APCDD1: variants seen among roughly 807,000 people sequenced by gnomAD.
APCDD1 encodes the protein protein APCDD1.
A neutral mutation model predicts 38.1 loss-of-function variants in APCDD1; 15 were observed. The observed-to-expected ratio is 0.39, with a 90% CI of 0.26 to 0.61. APCDD1 has a LOEUF of 0.61. Ranked by LOEUF, APCDD1 falls within the 20% of genes least tolerant of loss-of-function variation. APCDD1 has a pLI of 0.49. For synonymous variants in APCDD1, 261 were observed against 279.7 expected (o/e 0.93, Z 0.67); for missense variants, 647 against 696.2 (o/e 0.93, Z 0.79).
intron 1 of APCDD1, 50 bp from the exon 2 acceptor site, chr18:10,468,419 T>C: frequency 6.2e-7 from 1 of 1,602,042 alleles, no homozygotes; most frequent in Middle Eastern, 1.7e-4. Flanking sequence ...GCCTGATTCA[T>C]GTCTGCTGCT....
chr18:10,469,293 G>C lies in APCDD1; in HGVS notation c.242+641G>C, dbSNP rs577601940. The stretch of plus-strand genomic sequence containing the variant: ...ATCTGATCACTTCTCCCTGTGCGCT[G>C]TTCCCGGGATATGGATAGCAGCCTT... On this transcript the variant is annotated intron_variant, in intron 2 of 4. Transcript: ENST00000355285. This position sits in a 1 kb window ranked among gnomAD's most constrained non-coding sequence, Gnocchi z 5.5. 3.3e-5 allele frequency among the ~76,000 whole-genome samples: 5 copies of C among 152,170 alleles called. No individual in the cohort carries two copies. The highest frequency in any genetic ancestry group is 1.2e-4 in the African/African-American group (5 of 41,514).
chr18:10,477,278 CTG>C (rs1326602222), intron 3 of APCDD1: 4 of 152,246 alleles, frequency 2.6e-5, no homozygotes, highest in African/African-American at 9.7e-5. Context: ...TAGAAGAAAA[CTG>C]TGACTGCTCC....
chr18:10,462,611 T>C (rs866337809), intron 1 of APCDD1, among the ~76,000 whole-genome samples: 30 of 87,668 alleles, frequency 3.4e-4, no homozygotes, highest in African/African-American at 1.4e-3. Context: ...CCTTCCTTCC[T>C]TCCTTCCTTC....
chr18:10,469,064 G>C lies in APCDD1; in HGVS notation c.242+412G>C, dbSNP rs989134012. ...TCTGGTAATTTAATATATGGCTTCA[G>C]GGTTCTAAGAGTAAGTTAAAAGCTA... On this transcript the variant is annotated intron_variant, in intron 2 of 4. Coordinates refer to ENST00000355285, the MANE Select transcript of APCDD1 (RefSeq NM_153000.5). The surrounding 1 kb of genome is among the most constrained non-coding windows in gnomAD (Gnocchi z 5.5). 6.6e-6 allele frequency among the ~76,000 whole-genome samples: 1 copy of C among 152,222 alleles called. No individual in the cohort carries two copies. The highest frequency in any genetic ancestry group is 2.4e-5 in the African/African-American group (1 of 41,458).
Position 10,468,602 on chromosome 18 carries a change from G to T in APCDD1, c.192G>T (p.Arg64Ser). 5 of 1,614,040 alleles carry T rather than the reference G, an allele frequency of 3.1e-6. No homozygotes were observed. The highest frequency in any genetic ancestry group is 4.2e-6 in the Non-Finnish European group (5 of 1,180,044). Residue 64 changes from arginine (R) to serine (S), a missense_variant, in exon 2 of 5, where the codon AGG becomes AGT. Arg to Ser is a moderately radical substitution (Grantham distance 110). Transcript: ENST00000355285. ...TCAAACATCTCCACAATGGTGCAAGGATCACAGTGCAGATGCCACCTACAA... is the reference window on the plus strand; with the variant it reads ...TCAAACATCTCCACAATGGTGCAAGTATCACAGTGCAGATGCCACCTACAA... ...HMLKHLHNGA[R>S]ITVQMPPTIE...
intron 1 of APCDD1, among the ~76,000 whole-genome samples, chr18:10,458,205 G>C (rs35326929): frequency 0.059 from 8,936 of 152,274 alleles, 359 homozygotes; most frequent in Non-Finnish European, 0.086. Flanking sequence ...GAGTTTTGGA[G>C]CTGATGTTGG....
rs571401139 is a variant in APCDD1 at position 10,472,174 on chromosome 18, C to A, written c.774+113C>A. On this transcript the variant is annotated intron_variant, in intron 3 of 4. Coordinates refer to ENST00000355285, the MANE Select transcript of APCDD1 (RefSeq NM_153000.5). This position sits in a 1 kb window ranked among gnomAD's most constrained non-coding sequence, Gnocchi z 6.6. The stretch of plus-strand genomic sequence containing the variant: ...TGAAAGGGGGAATTCTGCATCATGG[C>A]GGGGCAGGCCAAGGTGGGGCTGCTG... 1.4e-6 allele frequency: 2 copies of A among 1,461,866 alleles called. No homozygotes were observed. Among genetic ancestry groups the A allele is most frequent in the Non-Finnish European group, 1.9e-6 (2 of 1,058,038 alleles). The allele number at this position is 1,461,866 out of a possible 1,614,324, so 90.6% of individuals were successfully genotyped here. A position where few individuals can be genotyped will look rare whatever the true frequency, so the allele number is the denominator to read the frequency against.
intron 1 of APCDD1, among the ~76,000 whole-genome samples, chr18:10,464,774 T>C (rs1266119065): frequency 6.6e-6 from 1 of 152,214 alleles, no homozygotes; most frequent in Non-Finnish European, 1.5e-5. Flanking sequence ...CTGCAGAGCT[T>C]GGCACTTTGG....
At chr18:10,479,920 T>C (rs1003505551) in intron 3 of APCDD1, among the ~76,000 whole-genome samples, 1 of 152,246 alleles carries the variant, frequency 6.6e-6, no homozygotes, top group Non-Finnish European at 1.5e-5. Context: ...AGTTTCTTTC[T>C]CATTTTTAGA....
chr18:10,485,868 C>T lies in APCDD1; in HGVS notation c.1096+85C>T. Reference sequence around the variant, plus strand: ...GTGGAGGCAGAGCTGAGGGAAAGGACCTCTTTTCTGCCTGAGTTCCCAGGA... The same window carrying T: ...GTGGAGGCAGAGCTGAGGGAAAGGATCTCTTTTCTGCCTGAGTTCCCAGGA... On this transcript the variant is annotated intron_variant, in intron 4 of 4. Coordinates refer to ENST00000355285, the MANE Select transcript of APCDD1 (RefSeq NM_153000.5). The surrounding 1 kb of genome is among the most constrained non-coding windows in gnomAD (Gnocchi z 5.8). 2 of 1,443,988 alleles carry T rather than the reference C, an allele frequency of 1.4e-6. No individual in the cohort carries two copies. The highest frequency in any genetic ancestry group is 1.9e-6 in the Non-Finnish European group (2 of 1,054,438). 89.4% of individuals were successfully genotyped at this position (1,443,988 alleles called of 1,614,324 possible).
At chr18:10,463,050 C>G (rs2030612221) in intron 1 of APCDD1, among the ~76,000 whole-genome samples, 1 of 152,054 alleles carries the variant, frequency 6.6e-6, no homozygotes, top group South Asian at 2.1e-4. Flanking sequence ...GTGTGGTGCT[C>G]TCAACTGTGG....
intron 1 of APCDD1, among the ~76,000 whole-genome samples, chr18:10,464,866 C>T (rs2030668529): frequency 6.6e-6 from 1 of 152,202 alleles, no homozygotes; most frequent in Admixed American, 6.5e-5. Context: ...CTCCTCAGAG[C>T]TCAGAGTGAG....
intron 1 of APCDD1, among the ~76,000 whole-genome samples, chr18:10,460,662 C>G (rs1215217524): frequency 1.3e-5 from 2 of 152,126 alleles, no homozygotes; most frequent in East Asian, 3.8e-4. Context: ...CTAAGAGATA[C>G]CTGAGCACAT....
At chr18:10,486,389 T>G (rs1182056454) in intron 4 of APCDD1, among the ~76,000 whole-genome samples, 1 of 152,204 alleles carries the variant, frequency 6.6e-6, no homozygotes, top group Admixed American at 6.5e-5. Context: ...GTCTGCACTT[T>G]GTGTTCTTTA....
At position 10,472,170 on chromosome 18, in the gene APCDD1, A is replaced by T; in HGVS notation, c.774+109A>T. 6.7e-7 allele frequency: 1 copy of T among 1,493,560 alleles called. No individual in the cohort carries two copies. Among genetic ancestry groups the T allele is most frequent in the Non-Finnish European group, 9.2e-7 (1 of 1,084,828 alleles). The allele number at this position is 1,493,560 out of a possible 1,614,324, so 92.5% of individuals were successfully genotyped here. On this transcript the variant is annotated intron_variant, in intron 3 of 4. Coordinates refer to ENST00000355285, the MANE Select transcript of APCDD1 (RefSeq NM_153000.5). This position sits in a 1 kb window ranked among gnomAD's most constrained non-coding sequence, Gnocchi z 6.6. ...CCCTTGAAAGGGGGAATTCTGCATC[A>T]TGGCGGGGCAGGCCAAGGTGGGGCT...
chr18:10,468,715 A>G, intron 2 of APCDD1, 63 bp downstream of exon 2: 2 of 1,542,122 alleles, frequency 1.3e-6, no homozygotes, highest in Non-Finnish European at 1.8e-6. Context: ...GACCCTTCTT[A>G]TGGGTTCTCA....
chr18:10,488,464 A>T lies in APCDD1; in HGVS notation c.*426A>T. On this transcript the variant is annotated 3_prime_UTR_variant, in exon 5 of 5. Coordinates refer to ENST00000355285, the MANE Select transcript of APCDD1 (RefSeq NM_153000.5). ...GCCTGTCTTCCTTTGAAATTGTTTT[A>T]CTCTCTGAGTTTTATATGCTGGAAT... 5.5e-6 allele frequency: 1 copy of T among 181,416 alleles called. No homozygotes were observed. Among genetic ancestry groups the T allele is most frequent in the Non-Finnish European group, 1.2e-5 (1 of 86,456 alleles). 11.2% of individuals were successfully genotyped at this position (181,416 alleles called of 1,614,324 possible). A position where few individuals can be genotyped will look rare whatever the true frequency, so the allele number is the denominator to read the frequency against.
intron 1 of APCDD1, among the ~76,000 whole-genome samples, chr18:10,456,765 C>G (rs2030392229): frequency 6.6e-6 from 1 of 152,138 alleles, no homozygotes; most frequent in African/African-American, 2.4e-5. Context: ...AAGACAGGAG[C>G]TCCAAATCTC....
At position 10,488,233 on chromosome 18, in the gene APCDD1, G is replaced by A. The variant is rs117564812; in HGVS notation, c.*195G>A. ...GTTTGAAGTTTCTGCTTTGAACTCC[G>A]TCCAGCCTGATCCCTGGCCTGAGCA... On this transcript the variant is annotated 3_prime_UTR_variant, in exon 5 of 5. Transcript: ENST00000355285. 2,630 of 702,446 alleles carry A rather than the reference G, an allele frequency of 3.7e-3. 12 individuals are homozygous for A. The highest frequency in any genetic ancestry group is 5.1e-3 in the Non-Finnish European group (2,174 of 423,034). 43.5% of individuals were successfully genotyped at this position (702,446 alleles called of 1,614,324 possible). A position where few individuals can be genotyped will look rare whatever the true frequency, so the allele number is the denominator to read the frequency against.
Sources: gnomAD v4.1 joint callset for allele counts (sites outside exome capture counted in the v4.1 genomes callset) on GRCh38, gnomAD v4.1.1 for gene constraint, Gnocchi (gnomAD v3.1) non-coding constraint, MANE v1.5 for transcripts, NCBI Gene and HGNC (gene_info 2026-07-23, HGNC 2026-07-21) for gene names.